The following MTMR14 variants were observed in gnomAD, a reference collection of about 807,000 sequenced individuals.
MTMR14 encodes the protein phosphatidylinositol-3,5-bisphosphate 3-phosphatase MTMR14.
Under a neutral mutation model 86.3 loss-of-function variants are expected in MTMR14, and 48 were observed. The observed-to-expected ratio is 0.56, with a 90% CI of 0.44 to 0.71. The LOEUF is 0.71. Ranked by LOEUF, MTMR14 falls within the 30% of genes least tolerant of loss-of-function variation. The pLI is 0.00. For missense variants in MTMR14, 780 were observed against 834.6 expected (o/e 0.93, Z 0.81); for synonymous variants, 366 against 326.1 (o/e 1.12, Z -1.32).
At chr3:9,665,237 G>A (rs2048178578) in intron 3 of MTMR14, among the ~76,000 whole-genome samples, 2 of 149,170 alleles carry the variant, frequency 1.3e-5, no homozygotes, top group Non-Finnish European at 3.0e-5. Flanking sequence ...AGCCGAGATC[G>A]TGCCATTGCA....
intron 5 of MTMR14, 109 bp from the exon 6 acceptor site, chr3:9,670,939 C>G (rs1574989058): frequency 6.9e-7 from 1 of 1,449,408 alleles, no homozygotes; most frequent in Non-Finnish European, 9.7e-7. Flanking sequence ...AGCACACGCC[C>G]CAGCTTCTGG....
At position 9,702,247 on chromosome 3, in the gene MTMR14, G is replaced by A. The variant is rs1042250961; in HGVS notation, c.*274G>A. ...CCCATCAACTCTCAGAACTGTGTGG[G>A]GTTTCCCTGGGGCCTTGTGGAAGCC... On this transcript the variant is annotated 3_prime_UTR_variant, in exon 19 of 19. Coordinates refer to ENST00000296003, the MANE Select transcript of MTMR14 (RefSeq NM_001077525.3). The A allele has an allele frequency of 4.6e-5, 24 of 520,476 alleles. No individual in the cohort carries two copies. Among genetic ancestry groups the A allele is most frequent in the Non-Finnish European group, 8.4e-5 (24 of 286,698 alleles). The allele number at this position is 520,476 out of a possible 1,614,324, so 32.2% of individuals were successfully genotyped here.
chr3:9,689,189 G>T, intron 16 of MTMR14, 107 bp downstream of exon 16: 1 of 1,495,186 alleles, frequency 6.7e-7, no homozygotes, highest in South Asian at 1.2e-5. Context: ...CCCAAGAGAA[G>T]AGCTGAGAGG....
intron 7 of MTMR14, among the ~76,000 whole-genome samples, chr3:9,674,735 T>G (rs1017320408): frequency 2.6e-5 from 4 of 152,272 alleles, no homozygotes; most frequent in African/African-American, 9.6e-5. Flanking sequence ...TAAAGGAAAA[T>G]GTGCTTATAA....
intron 3 of MTMR14, among the ~76,000 whole-genome samples, chr3:9,664,855 G>A (rs189540065): frequency 2.6e-5 from 4 of 152,272 alleles, no homozygotes; most frequent in Admixed American, 2.6e-4. Flanking sequence ...ACAACAGGGT[G>A]ACTGCAGTCA....
At chr3:9,662,457 C>G in intron 3 of MTMR14, 82 bp downstream of exon 3, 1 of 1,158,144 alleles carries the variant, frequency 8.6e-7, no homozygotes, top group Non-Finnish European at 1.3e-6. Flanking sequence ...GTCTTTTTTT[C>G]CCTCAACATT....
At chr3:9,689,869 T>G (rs1401357946) in intron 16 of MTMR14, 95 bp from the exon 17 acceptor site, 1 of 1,235,494 alleles carries the variant, frequency 8.1e-7, no homozygotes, top group Non-Finnish European at 1.1e-6. Context: ...GTTTTCCCAG[T>G]GGAAGTAAAG....
intron 2 of MTMR14, among the ~76,000 whole-genome samples, chr3:9,654,511 G>GT (rs2047484103): frequency 6.6e-6 from 1 of 152,184 alleles, no homozygotes; most frequent in Non-Finnish European, 1.5e-5. Flanking sequence ...TCAGTAAATG[G>GT]TATAGTTATT....
At chr3:9,683,406 G>T in intron 10 of MTMR14, 162 bp downstream of exon 10, 1 of 678,036 alleles carries the variant, frequency 1.5e-6, no homozygotes. Context: ...GGTGGGATTT[G>T]TCCATTGGTG....
chr3:9,649,780 A>G (rs766607137), intron 1 of MTMR14, 38 bp downstream of exon 1: 10 of 1,610,742 alleles, frequency 6.2e-6, no homozygotes, highest in African/African-American at 2.7e-5. Flanking sequence ...GAAGGCTCCT[A>G]ACTTGGGAAG....
At position 9,689,047 on chromosome 3, in the gene MTMR14, GC is replaced by G; in HGVS notation, c.1399del (p.Leu467TrpfsTer93). On this transcript the variant is annotated frameshift_variant, in exon 16 of 19. Transcript: ENST00000296003. LOFTEE classifies it high-confidence loss of function. ...GGAGCTTCACCTATGAGGCCGTGGA[GC>G]TGGTCCCAGCAGGAGCGCCAACTCA... Reference protein sequence around the residue: ...TGSFTYEAVELVPAGAPTQAA... With the variant: ...TGSFTYEAVEXVPAGAPTQAA... 6.2e-7 allele frequency: 1 copy of G among 1,613,408 alleles called. No homozygotes were observed. The highest frequency in any genetic ancestry group is 8.5e-7 in the Non-Finnish European group (1 of 1,180,038).
At chr3:9,689,679 G>T (rs1011743425) in intron 16 of MTMR14, among the ~76,000 whole-genome samples, 1 of 152,174 alleles carries the variant, frequency 6.6e-6, no homozygotes, top group Non-Finnish European at 1.5e-5. Flanking sequence ...GGGGAAAAAA[G>T]ATTTTGCATA....
intron 2 of MTMR14, 98 bp downstream of exon 2, chr3:9,653,867 T>C: frequency 1.3e-6 from 2 of 1,505,178 alleles, no homozygotes; most frequent in Non-Finnish European, 1.8e-6. Flanking sequence ...AGAATCACTT[T>C]CCCCAGGTGT....
rs765152190 is a variant in MTMR14 at position 9,649,774 on chromosome 3, G to C, written c.159+32G>C. 3.1e-6 allele frequency: 5 copies of C among 1,611,862 alleles called. No homozygotes were observed. The South Asian group carries it at 4.4e-5, about 14-fold the overall frequency. ...TTGGAGGTGCGATGAGCTGGGGAAG[G>C]CTCCTAACTTGGGAAGTTACAGAGG... is the stretch of plus-strand genomic sequence containing the variant. On this transcript the variant is annotated intron_variant, in intron 1 of 18. Transcript: ENST00000296003.
intron 2 of MTMR14, among the ~76,000 whole-genome samples, chr3:9,656,651 T>C (rs2047624084): frequency 6.6e-6 from 1 of 152,148 alleles, no homozygotes; most frequent in Non-Finnish European, 1.5e-5. Context: ...ACTCCTGGGC[T>C]CAAACAATCC....
In MTMR14 at chr3:9,669,432, G is replaced by C. The variant is rs2048447283; in HGVS notation, c.494G>C (p.Gly165Ala). 2.5e-6 allele frequency: 4 copies of C among 1,613,962 alleles called. No individual in the cohort carries two copies. The highest frequency in any genetic ancestry group is 3.4e-6 in the Non-Finnish European group (4 of 1,179,916). Residue 165 changes from glycine to alanine, a missense_variant and splice_region_variant, in exon 5 of 19, where the codon GGG (glycine) becomes GCG (alanine). By Grantham distance (60) the Gly-to-Ala change is moderately conservative. Transcript: ENST00000296003. ...GRSGYNYFFSGGADDAWADVE... is the reference protein window; with the variant it reads ...GRSGYNYFFSAGADDAWADVE... Reference sequence around the variant, plus strand: ...ACTGACAGATAGGTTTCTCTGGCAGGGGGTGCAGATGATGCCTGGGCAGAT... The same window carrying C: ...ACTGACAGATAGGTTTCTCTGGCAGCGGGTGCAGATGATGCCTGGGCAGAT...
At chr3:9,667,566 GGTAGGCTTCCTCA>G (rs2048323918) in intron 3 of MTMR14, among the ~76,000 whole-genome samples, 3 of 152,078 alleles carry the variant, frequency 2.0e-5, no homozygotes, top group South Asian at 2.1e-4. Context: ...GCCAGCCCTT[GGTAGGCTTCCTCA>G]GTAGGCTTCC....
rs757995486 is a variant in MTMR14 at position 9,653,611 on chromosome 3, C to T, written c.160-10C>T. 21 of 1,614,098 alleles carry T rather than the reference C, an allele frequency of 1.3e-5. No homozygotes were observed. The East Asian group carries it at 4.2e-4, about 33-fold the overall frequency. On this transcript the variant is annotated splice_polypyrimidine_tract_variant and intron_variant, in intron 1 of 18. Transcript: ENST00000296003. ...ATTCTCTTTGTGTTCTGGTCTCCTT[C>T]TCTGTGCAGGTTGAGCGCATTGAGA...
chr3:9,654,435 T>C (rs746084573), intron 2 of MTMR14, among the ~76,000 whole-genome samples: 1 of 152,206 alleles, frequency 6.6e-6, no homozygotes, highest in African/African-American at 2.4e-5. Context: ...GAGTACCTTA[T>C]GTGGGTTAAC....
Sources: gnomAD v4.1 joint callset for allele counts (sites outside exome capture counted in the v4.1 genomes callset) on GRCh38, gnomAD v4.1.1 for gene constraint, MANE v1.5 for transcripts, NCBI Gene and HGNC (gene_info 2026-07-23, HGNC 2026-07-21) for gene names.